Variants in TENM3 observed in about 807,000 individuals in gnomAD.
The protein encoded by TENM3 is teneurin-3.
Under a neutral mutation model 255.1 loss-of-function variants are expected in TENM3, and 63 were observed. The observed-to-expected ratio is 0.25, with a 90% CI of 0.20 to 0.30. The LOEUF (loss-of-function observed/expected upper bound fraction) is 0.30, where lower values mean the gene tolerates loss of function less well. Among genes scored for constraint, TENM3 ranks in the 10% least tolerant of loss-of-function variants. TENM3 has a pLI of 1.00. For missense variants in TENM3, 2,929 were observed against 3,461.1 expected, an observed-to-expected ratio of 0.85 and a Z score of 3.86; for synonymous variants, 1,306 against 1,322.3, an observed-to-expected ratio of 0.99 and a Z score of 0.27.
At chr4:181,864,830 A>C in the TENM3 span, among the ~76,000 whole-genome samples, 2 of 152,172 alleles carry the variant, frequency 1.3e-5, no homozygotes, top group African/African-American at 2.4e-5. Context: ...TCAGTGTTTT[A>C]CAGAGGGCAC....
the TENM3 span, among the ~76,000 whole-genome samples, chr4:181,710,806 C>T: frequency 2.5e-4 from 38 of 151,648 alleles, no homozygotes; most frequent in East Asian, 4.9e-3. Flanking sequence ...GCCTCTGCCT[C>T]CCTGAGAGCT....
the TENM3 span, among the ~76,000 whole-genome samples, chr4:182,073,346 G>C: frequency 6.6e-6 from 1 of 152,130 alleles, no homozygotes; most frequent in Non-Finnish European, 1.5e-5. Flanking sequence ...GGATTATGGG[G>C]ATTACAATTC....
At chr4:182,248,798 C>G (rs1306751377) in intron 1 of TENM3, among the ~76,000 whole-genome samples, 1 of 152,198 alleles carries the variant, frequency 6.6e-6, no homozygotes, top group Non-Finnish European at 1.5e-5. Context: ...TACCGAGTTC[C>G]TCATAACTAC....
At chr4:182,666,335 C>A (rs1301971142) in intron 6 of TENM3, among the ~76,000 whole-genome samples, 1 of 152,198 alleles carries the variant, frequency 6.6e-6, no homozygotes, top group Non-Finnish European at 1.5e-5. Context: ...AGATGTTCTA[C>A]TGTGGGTAAA....
At chr4:182,531,935 C>T (rs940486549) in intron 3 of TENM3, among the ~76,000 whole-genome samples, 7 of 152,168 alleles carry the variant, frequency 4.6e-5, no homozygotes, top group African/African-American at 1.7e-4. Flanking sequence ...AATCTGGGTT[C>T]CCAGACACCA....
At chr4:182,134,808 A>G in the TENM3 span, among the ~76,000 whole-genome samples, 1 of 152,162 alleles carries the variant, frequency 6.6e-6, no homozygotes, top group Non-Finnish European at 1.5e-5. Context: ...CTGTATTTCA[A>G]TATGACTCTT....
the TENM3 span, among the ~76,000 whole-genome samples, chr4:182,107,777 T>C: frequency 6.6e-6 from 1 of 152,196 alleles, no homozygotes; most frequent in African/African-American, 2.4e-5. Context: ...GCTTAAACTT[T>C]TTCCTTATGA....
chr4:182,074,616 G>A, the TENM3 span, among the ~76,000 whole-genome samples: 15 of 152,154 alleles, frequency 9.9e-5, no homozygotes, highest in Non-Finnish European at 1.6e-4. Flanking sequence ...AAAGAAAGAT[G>A]GAAACTACAA....
At chr4:182,725,812 A>G (rs575062548) in intron 13 of TENM3, among the ~76,000 whole-genome samples, 2 of 151,414 alleles carry the variant, frequency 1.3e-5, no homozygotes, top group East Asian at 1.9e-4. Flanking sequence ...ATTTTTTTGT[A>G]TTTTTAGTAG....
chr4:181,611,576 G>A, the TENM3 span, among the ~76,000 whole-genome samples: 8 of 151,864 alleles, frequency 5.3e-5, no homozygotes, highest in East Asian at 1.5e-3. Flanking sequence ...ACGATACGGA[G>A]TCTGTTTGGT....
chr4:181,669,369 C>A, the TENM3 span, among the ~76,000 whole-genome samples: 2 of 152,248 alleles, frequency 1.3e-5, no homozygotes, highest in Admixed American at 6.5e-5. Context: ...CTAAGGATTT[C>A]TTGGGAGTTG....
the TENM3 span, among the ~76,000 whole-genome samples, chr4:181,932,642 G>C: frequency 1.3e-5 from 2 of 152,162 alleles, no homozygotes; most frequent in Admixed American, 6.5e-5. Context: ...AATACCATTT[G>C]ACCCACCAAT....
chr4:181,460,173 A>G, the TENM3 span, among the ~76,000 whole-genome samples: 1 of 152,168 alleles, frequency 6.6e-6, no homozygotes, highest in Middle Eastern at 3.4e-3. Flanking sequence ...GTATTCTGCA[A>G]TGTAATAAAA....
chr4:181,625,983 A>T, the TENM3 span, among the ~76,000 whole-genome samples: 3 of 152,146 alleles, frequency 2.0e-5, no homozygotes. Flanking sequence ...TGCACAGGCA[A>T]TGGCAATGTG....
the TENM3 span, among the ~76,000 whole-genome samples, chr4:182,015,683 C>T: frequency 6.6e-6 from 1 of 152,072 alleles, no homozygotes; most frequent in Admixed American, 6.5e-5. Flanking sequence ...GCCTCAGCCT[C>T]CTGAGTAGCT....
chr4:181,498,850 G>C, the TENM3 span, among the ~76,000 whole-genome samples: 1 of 152,176 alleles, frequency 6.6e-6, no homozygotes, highest in Non-Finnish European at 1.5e-5. Context: ...GTATTGATTA[G>C]TAAGGCGTTA....
At chr4:182,147,264 C>T (rs1466974583) in intron 1 of TENM3, among the ~76,000 whole-genome samples, 5 of 152,152 alleles carry the variant, frequency 3.3e-5, no homozygotes, top group South Asian at 2.1e-4. Context: ...CCGTTAGGCT[C>T]GGTGTACAAA....
intron 3 of TENM3, among the ~76,000 whole-genome samples, chr4:182,504,781 G>T (rs1361527364): frequency 6.6e-6 from 1 of 152,106 alleles, no homozygotes; most frequent in Non-Finnish European, 1.5e-5. Flanking sequence ...TGCCAGCCTG[G>T]TCTGTCAACT....
At chr4:181,632,361 G>A in the TENM3 span, among the ~76,000 whole-genome samples, 4 of 152,136 alleles carry the variant, frequency 2.6e-5, no homozygotes, top group African/African-American at 4.8e-5. Context: ...GACATTGGGG[G>A]ATTAAAATTC....
Sources: gnomAD v4.1 joint callset for allele counts (sites outside exome capture counted in the v4.1 genomes callset) on GRCh38, gnomAD v4.1.1 for gene constraint, MANE v1.5 for transcripts, NCBI Gene and HGNC (gene_info 2026-07-23, HGNC 2026-07-21) for gene names.